LMNB2: variants seen among roughly 807,000 people sequenced by gnomAD.
The protein encoded by LMNB2 is lamin B2.
In LMNB2, 17 loss-of-function variants were observed where a neutral mutation model predicts 69.3. The ratio of observed to expected loss-of-function variants is 0.25; its 90% confidence interval spans 0.17 to 0.37. LMNB2 has a LOEUF of 0.37. Among genes scored for constraint, LMNB2 ranks in the 10% least tolerant of loss-of-function variants. LMNB2 has a pLI of 1.00. For synonymous variants in LMNB2, 397 were observed against 389.3 expected (o/e 1.02, Z -0.23); for missense variants, 789 against 883.6 (o/e 0.89, Z 1.36).
intron 1 of LMNB2, 43 bp from the exon 2 acceptor site, chr19:2,444,583 C>A: frequency 6.2e-7 from 1 of 1,601,128 alleles, no homozygotes; most frequent in South Asian, 1.1e-5. Flanking sequence ...GGACCCTTCC[C>A]CTTGGACTAC....
chr19:2,444,678 T>A, intron 1 of LMNB2, 138 bp from the exon 2 acceptor site: 4 of 1,108,980 alleles, frequency 3.6e-6, no homozygotes, highest in Non-Finnish European at 5.4e-6. Context: ...CTGGGGACAC[T>A]GGGACACCCT....
In LMNB2 at chr19:2,431,636, T is replaced by G. The variant is rs966453657; in HGVS notation, c.1733A>C (p.Lys578Thr). Residue 578 changes from lysine to threonine, a missense_variant, in exon 11 of 12, where the codon AAG becomes ACG. By Grantham distance (78) the Lys-to-Thr change is moderately conservative. Transcript: ENST00000325327. The stretch of plus-strand genomic sequence containing the variant: ...ATTCTCACGCATCACCGAGGACTTC[T>G]TCACAGTCCTCATGGCCACTTCCTG... ...DGEEVAMRTV[K>T]KSSVMRENEN... 3 of 1,614,124 alleles carry G rather than the reference T, an allele frequency of 1.9e-6. No homozygotes were observed. The highest frequency in any genetic ancestry group is 1.7e-6 in the Non-Finnish European group (2 of 1,179,992).
chr19:2,449,741 C>T (rs62119874), intron 1 of LMNB2, among the ~76,000 whole-genome samples: 12,234 of 151,878 alleles, frequency 0.081, 742 homozygotes, highest in East Asian at 0.28. Flanking sequence ...CACGCCACTA[C>T]GCTGCAGCCT....
chr19:2,450,925 C>T (rs1279804195), intron 1 of LMNB2, among the ~76,000 whole-genome samples: 3 of 151,808 alleles, frequency 2.0e-5, no homozygotes, highest in Non-Finnish European at 4.4e-5. Context: ...CCACTGCGCC[C>T]AGACGGTTTT....
At chr19:2,433,731 G>C (rs1375589418) in intron 8 of LMNB2, 95 bp downstream of exon 8, 1 of 1,444,102 alleles carries the variant, frequency 6.9e-7, no homozygotes, top group South Asian at 1.2e-5. Flanking sequence ...CTTGTCCCCT[G>C]CCTCGCATTG....
chr19:2,451,220 G>A (rs1263245733), intron 1 of LMNB2, among the ~76,000 whole-genome samples: 1 of 152,190 alleles, frequency 6.6e-6, no homozygotes, highest in Non-Finnish European at 1.5e-5. Flanking sequence ...CTGCATTCCA[G>A]CCTGGAAAAC....
chr19:2,450,121 C>CATATATATATATAT lies in LMNB2; in HGVS notation c.265-5595_265-5582dup, dbSNP rs944605865. Among the ~76,000 whole-genome samples the CATATATATATATAT allele has an allele frequency of 1.4e-3, 203 of 142,390 alleles. 3 individuals carry two copies. Among genetic ancestry groups the CATATATATATATAT allele is most frequent in the African/African-American group, 5.1e-3 (195 of 38,192 alleles). The allele number at this position is 142,390 out of a possible 152,430, so 93.4% of individuals were successfully genotyped here. A position where few individuals can be genotyped will look rare whatever the true frequency, so the allele number is the denominator to read the frequency against. On this transcript the variant is annotated intron_variant, in intron 1 of 11. Coordinates refer to ENST00000325327, the MANE Select transcript of LMNB2 (RefSeq NM_032737.4). Reference sequence around the variant, plus strand: ...ATATACATATACATATATATATACACATATATATATATATTCCATTAAAAC... The same window carrying CATATATATATATAT: ...ATATACATATACATATATATATACACATATATATATATATATATATATATATATTCCATTAAAAC...
At position 2,429,850 on chromosome 19, in the gene LMNB2, G is replaced by T. The variant is rs905488435; in HGVS notation, c.*1061C>A. ...GTAAACGGTGAGCTATTGCCGAAGG[G>T]GGGTGCCAGGCATTGGGAAGCTGGA... On this transcript the variant is annotated 3_prime_UTR_variant, in exon 12 of 12. Coordinates refer to ENST00000325327, the MANE Select transcript of LMNB2 (RefSeq NM_032737.4). 4 of 152,274 alleles carry T rather than the reference G, an allele frequency of 2.6e-5. No homozygotes were observed. The highest frequency in any genetic ancestry group is 1.9e-4 in the East Asian group (1 of 5,198). The allele number at this position is 152,274 out of a possible 1,614,324, so 9.4% of individuals were successfully genotyped here. A position where few individuals can be genotyped will look rare whatever the true frequency, so the allele number is the denominator to read the frequency against.
rs35520147 is a variant in LMNB2, at chr19:2,428,238, G to GA, written c.*2672dup. ...ATAAAATGTATATTACAAATCATTGGAAAAAAAAAAGAACACATTAGGCAT... is the reference window on the plus strand; with the variant it reads ...ATAAAATGTATATTACAAATCATTGGAAAAAAAAAAAGAACACATTAGGCAT... On this transcript the variant is annotated 3_prime_UTR_variant, in exon 12 of 12. Coordinates refer to ENST00000325327, the MANE Select transcript of LMNB2 (RefSeq NM_032737.4). 0.12 allele frequency: 18,429 copies of GA among 149,114 alleles called. 1,643 individuals are homozygous for GA. Among genetic ancestry groups the GA allele is most frequent in the East Asian group, 0.36 (1,862 of 5,124 alleles). 9.2% of individuals were successfully genotyped at this position (149,114 alleles called of 1,614,324 possible).
At chr19:2,452,425 C>T (rs1371587442) in intron 1 of LMNB2, among the ~76,000 whole-genome samples, 7 of 150,088 alleles carry the variant, frequency 4.7e-5, no homozygotes, top group Admixed American at 4.6e-4. Flanking sequence ...CAGAGAGAGA[C>T]TCTGTCTAGA....
chr19:2,431,785 C>T lies in LMNB2; in HGVS notation c.1708G>A (p.Glu570Lys), dbSNP rs149924406. The T allele has an allele frequency of 1.3e-5, 21 of 1,613,768 alleles. No individual in the cohort carries two copies. The highest frequency in any genetic ancestry group is 5.0e-5 in the Admixed American group (3 of 60,002). The change falls in exon 10 of 12, where the codon GAG (glutamate) becomes AAG (lysine). Residue 570 changes from glutamate to lysine, a missense_variant and splice_region_variant. Transcript: ENST00000325327. The stretch of plus-strand genomic sequence containing the variant: ...CCCCCCAAGCCACACACACCCACCT[C>T]GCCATCCGCGTTAACCAGGACGGTG... ...FRTVLVNADGEEVAMRTVKKS... is the reference protein window; with the variant it reads ...FRTVLVNADGKEVAMRTVKKS...
intron 1 of LMNB2, among the ~76,000 whole-genome samples, chr19:2,455,724 C>T (rs1378948385): frequency 1.3e-5 from 2 of 152,010 alleles, no homozygotes; most frequent in East Asian, 3.9e-4. Context: ...ATGGGCCACT[C>T]CGGTCTGCAC....
intron 1 of LMNB2, among the ~76,000 whole-genome samples, chr19:2,456,373 G>A (rs1419392935): frequency 6.6e-6 from 1 of 150,506 alleles, no homozygotes; most frequent in African/African-American, 2.4e-5. Context: ...CGGTGGGCGG[G>A]GCCTGGCCGA....
intron 1 of LMNB2, among the ~76,000 whole-genome samples, chr19:2,448,801 T>C (rs116780257): frequency 2.0e-5 from 3 of 152,128 alleles, no homozygotes; most frequent in South Asian, 2.1e-4. Flanking sequence ...TGAGCCAAGA[T>C]TGGGCCATTG....
rs1237800362 is a variant in LMNB2, at chr19:2,431,463, G to A, written c.1821+85C>T. ...AGATGGAGCTCCCGTCGGGGATGCGGCCAGCACGCATGTGTATGTGTGTGC... is the reference window on the plus strand; with the variant it reads ...AGATGGAGCTCCCGTCGGGGATGCGACCAGCACGCATGTGTATGTGTGTGC... On this transcript the variant is annotated intron_variant, in intron 11 of 11. Coordinates refer to ENST00000325327, the MANE Select transcript of LMNB2 (RefSeq NM_032737.4). The A allele has an allele frequency of 3.2e-6, 5 of 1,573,342 alleles. No homozygotes were observed. The East Asian group carries it at 6.7e-5, about 21-fold the overall frequency.
In LMNB2 at chr19:2,431,630, G is replaced by A; in HGVS notation, c.1739C>T (p.Ser580Phe). 1 of 1,614,120 alleles carries A rather than the reference G, an allele frequency of 6.2e-7. No individual in the cohort carries two copies. Among genetic ancestry groups the A allele is most frequent in the Non-Finnish European group, 8.5e-7 (1 of 1,180,012 alleles). Residue 580 changes from serine (S) to phenylalanine (F), a missense_variant, in exon 11 of 12, where the codon TCC becomes TTC. Around this residue, in one of 3 missense-constraint regions of LMNB2, gnomAD observed 609 missense variants for 630.9 expected, o/e 0.97. Transcript: ENST00000325327. ...ATTCTCATTCTCACGCATCACCGAG[G>A]ACTTCTTCACAGTCCTCATGGCCAC... Reference protein sequence around the residue: ...EEVAMRTVKKSSVMRENENGE... With the variant: ...EEVAMRTVKKFSVMRENENGE...
At chr19:2,442,164 A>G (rs956593430) in intron 2 of LMNB2, among the ~76,000 whole-genome samples, 1 of 152,212 alleles carries the variant, frequency 6.6e-6, no homozygotes, top group African/African-American at 2.4e-5. Context: ...TGTTAGGATA[A>G]GAAAAACATT....
chr19:2,431,936 C>T (rs1479914403), intron 9 of LMNB2, 34 bp from the exon 10 acceptor site: 1 of 1,595,506 alleles, frequency 6.3e-7, no homozygotes, highest in African/African-American at 1.3e-5. Context: ...CCATCAGGGT[C>T]ACCTCTGGTT....
rs1017792083 is a variant in LMNB2, at chr19:2,429,654, T to G, written c.*1257A>C. 2 of 152,298 alleles carry G rather than the reference T, an allele frequency of 1.3e-5. No individual in the cohort carries two copies. Among genetic ancestry groups the G allele is most frequent in the African/African-American group, 4.8e-5 (2 of 41,444 alleles). 9.4% of individuals were successfully genotyped at this position (152,298 alleles called of 1,614,324 possible). On this transcript the variant is annotated 3_prime_UTR_variant, in exon 12 of 12. Coordinates refer to ENST00000325327, the MANE Select transcript of LMNB2 (RefSeq NM_032737.4). ...GGTGTCTTTAAGACTTGAGCTGCAC[T>G]TTCTGAAGGAGGCTCTGCCGTCGGA...
Sources: allele counts gnomAD v4.1 joint callset (sites outside exome capture counted in the v4.1 genomes callset), GRCh38; gene constraint gnomAD v4.1.1; regional missense constraint gnomAD v4.1.1; transcripts MANE v1.5; gene names NCBI Gene and HGNC (gene_info 2026-07-23, HGNC 2026-07-21).